Variants in AGAP1 observed in about 807,000 individuals in gnomAD.
AGAP1 encodes arf-GAP with GTPase, ANK repeat and PH domain-containing protein 1.
A neutral mutation model predicts 105.3 loss-of-function variants in AGAP1; 29 were observed. The observed-to-expected ratio is 0.28, with a 90% CI of 0.21 to 0.38. The LOEUF is 0.38. Ranked by LOEUF, AGAP1 falls within the 10% of genes least tolerant of loss-of-function variation. AGAP1 has a pLI of 1.00. For missense variants in AGAP1, 998 were observed against 1,165.1 expected, an observed-to-expected ratio of 0.86 and a Z score of 2.09; for synonymous variants, 509 against 485.9, an observed-to-expected ratio of 1.05 and a Z score of -0.63.
intron 11 of AGAP1, among the ~76,000 whole-genome samples, chr2:235,923,356 A>G (rs920423833): frequency 1.3e-5 from 2 of 152,108 alleles, no homozygotes; most frequent in African/African-American, 2.4e-5. Context: ...AGCCATTCCA[A>G]TGACATTTTC....
rs1485821645 is a variant in AGAP1 at position 236,076,070 on chromosome 2, T to C, written c.2114+26789T>C. On this transcript the variant is annotated intron_variant, in intron 16 of 17. Coordinates refer to ENST00000304032, the MANE Select transcript of AGAP1 (RefSeq NM_001037131.3). This position sits in a 1 kb window ranked among gnomAD's most constrained non-coding sequence, Gnocchi z 4.4. ...CCAAGGCCCAAGACCCGTGCTGTCA[T>C]AACAGTCCTCCTTCAGAGACACCCC... is the stretch of plus-strand genomic sequence containing the variant. Among the ~76,000 whole-genome samples the C allele has an allele frequency of 6.6e-6, 1 of 152,198 alleles. No individual in the cohort carries two copies. Among genetic ancestry groups the C allele is most frequent in the Non-Finnish European group, 1.5e-5 (1 of 68,042 alleles).
rs1407058855 is a variant in AGAP1, at chr2:235,964,014, T to A, written c.1484-4448T>A. Among the ~76,000 whole-genome samples, 1 of 152,210 alleles carries A rather than the reference T, an allele frequency of 6.6e-6. No individual in the cohort carries two copies. Among genetic ancestry groups the A allele is most frequent in the East Asian group, 1.9e-4 (1 of 5,186 alleles). ...TAATGCACCTACTGTAGGCTCAGCA[T>A]TGCACAAGTCACCACAGGGGAGGCG... On this transcript the variant is annotated intron_variant, in intron 12 of 17. Coordinates refer to ENST00000304032, the MANE Select transcript of AGAP1 (RefSeq NM_001037131.3). The surrounding 1 kb of genome is among the most constrained non-coding windows in gnomAD (Gnocchi z 4.6).
At chr2:235,506,600 T>C (rs1165111925) in intron 1 of AGAP1, among the ~76,000 whole-genome samples, 2 of 152,188 alleles carry the variant, frequency 1.3e-5, no homozygotes, top group African/African-American at 4.8e-5. Flanking sequence ...GAATTTTACA[T>C]AGAAACTTGA....
intron 16 of AGAP1, among the ~76,000 whole-genome samples, chr2:236,070,065 G>C (rs2058457592): frequency 6.6e-6 from 1 of 152,276 alleles, no homozygotes; most frequent in Admixed American, 6.5e-5. Flanking sequence ...CCTGGCATCT[G>C]CTGGCTGTGG....
chr2:235,785,359 A>G (rs1956558835), intron 6 of AGAP1, among the ~76,000 whole-genome samples: 1 of 152,232 alleles, frequency 6.6e-6, no homozygotes, highest in South Asian at 2.1e-4. Flanking sequence ...TAAGTTGTTA[A>G]GCCTATATTA....
rs533110494 is a variant in AGAP1, at chr2:235,982,727, A to T, written c.1645+14104A>T. On this transcript the variant is annotated intron_variant, in intron 13 of 17. Coordinates refer to ENST00000304032, the MANE Select transcript of AGAP1 (RefSeq NM_001037131.3). The surrounding 1 kb of genome is among the most constrained non-coding windows in gnomAD (Gnocchi z 4.9). ...TGGCTGCCATTCTTTCCAGACTTCC[A>T]CCATTGTGCCCTGAGTGGTTCCAGA... Among the ~76,000 whole-genome samples, 1 of 152,318 alleles carries T rather than the reference A, an allele frequency of 6.6e-6. No individual in the cohort carries two copies. The highest frequency in any genetic ancestry group is 1.5e-5 in the Non-Finnish European group (1 of 68,030).
chr2:235,954,473 C>G (rs1393667776), intron 12 of AGAP1, among the ~76,000 whole-genome samples: 1 of 151,010 alleles, frequency 6.6e-6, no homozygotes, highest in African/African-American at 2.4e-5. Context: ...AACATCCTCT[C>G]TCATCGTTCT....
chr2:236,071,060 T>C (rs1464342873), intron 16 of AGAP1, among the ~76,000 whole-genome samples: 1 of 152,212 alleles, frequency 6.6e-6, no homozygotes, highest in Non-Finnish European at 1.5e-5. Context: ...GAGATCATGT[T>C]TCTGAGACCG....
rs1949669529 is a variant in AGAP1 at position 235,690,131 on chromosome 2, C to T, written c.164-19048C>T. Among the ~76,000 whole-genome samples, 1 of 152,004 alleles carries T rather than the reference C, an allele frequency of 6.6e-6. No individual in the cohort carries two copies. Among genetic ancestry groups the T allele is most frequent in the South Asian group, 2.1e-4 (1 of 4,828 alleles). On this transcript the variant is annotated intron_variant, in intron 1 of 17. Coordinates refer to ENST00000304032, the MANE Select transcript of AGAP1 (RefSeq NM_001037131.3). This position sits in a 1 kb window ranked among gnomAD's most constrained non-coding sequence, Gnocchi z 4.1. ...CCCCAGGTGCTGAGTCCCCAGGTTC[C>T]CCTCTCCCCCTACCTGAGGTACTGA...
rs1559537861 is a variant in AGAP1, at chr2:235,830,257, T to G, written c.1050+22926T>G. ...GGCCAGGCTACAGTCACCGTTTGAG[T>G]GCCCGTGGAGGATTGGTTTACTTAG... On this transcript the variant is annotated intron_variant, in intron 9 of 17. Coordinates refer to ENST00000304032, the MANE Select transcript of AGAP1 (RefSeq NM_001037131.3). The surrounding 1 kb of genome is among the most constrained non-coding windows in gnomAD (Gnocchi z 5.5). 2.0e-5 allele frequency among the ~76,000 whole-genome samples: 3 copies of G among 152,144 alleles called. No homozygotes were observed. Among genetic ancestry groups the G allele is most frequent in the Admixed American group, 1.3e-4 (2 of 15,278 alleles).
At chr2:235,656,452 C>CCTG (rs768604183) in intron 1 of AGAP1, among the ~76,000 whole-genome samples, 5 of 152,070 alleles carry the variant, frequency 3.3e-5, no homozygotes, top group Non-Finnish European at 7.4e-5. Context: ...TTTTCGATTA[C>CCTG]CTGCTCCACC....
At chr2:235,537,195 T>G (rs1943267310) in intron 1 of AGAP1, among the ~76,000 whole-genome samples, 1 of 152,026 alleles carries the variant, frequency 6.6e-6, no homozygotes, top group South Asian at 2.1e-4. Flanking sequence ...CTAGCAAAGG[T>G]GGCAAGGAAA....
Position 235,588,478 on chromosome 2 carries a change from C to T in AGAP1, c.163+93629C>T, listed in dbSNP as rs546595224. Among the ~76,000 whole-genome samples the T allele has an allele frequency of 1.1e-4, 17 of 152,112 alleles. No individual in the cohort carries two copies. The South Asian group carries it at 2.1e-3, about 19-fold the overall frequency. On this transcript the variant is annotated intron_variant, in intron 1 of 17. Coordinates refer to ENST00000304032, the MANE Select transcript of AGAP1 (RefSeq NM_001037131.3). ...AAGACCCCTTAGAACCCAGGACTCCCGGTGGCTGCTACACCCTGGTCATAT... is the reference window on the plus strand; with the variant it reads ...AAGACCCCTTAGAACCCAGGACTCCTGGTGGCTGCTACACCCTGGTCATAT...
Position 235,551,044 on chromosome 2 carries a change from G to A in AGAP1, c.163+56195G>A, listed in dbSNP as rs1260085582. ...CCACCTCGGCCTCTGAAAGTGCTGG[G>A]ATTACAGGCGTGAGCCACCGCGCTC... On this transcript the variant is annotated intron_variant, in intron 1 of 17. Coordinates refer to ENST00000304032, the MANE Select transcript of AGAP1 (RefSeq NM_001037131.3). The surrounding 1 kb of genome is among the most constrained non-coding windows in gnomAD (Gnocchi z 4.8). Among the ~76,000 whole-genome samples, 1 of 152,202 alleles carries A rather than the reference G, an allele frequency of 6.6e-6. No homozygotes were observed. Among genetic ancestry groups the A allele is most frequent in the Non-Finnish European group, 1.5e-5 (1 of 68,044 alleles).
At position 236,027,781 on chromosome 2, in the gene AGAP1, C is replaced by A. The variant is rs2057102127; in HGVS notation, c.1646-8780C>A. 6.6e-6 allele frequency among the ~76,000 whole-genome samples: 1 copy of A among 152,116 alleles called. No individual in the cohort carries two copies. Among genetic ancestry groups the A allele is most frequent in the South Asian group, 2.1e-4 (1 of 4,812 alleles). On this transcript the variant is annotated intron_variant, in intron 13 of 17. Transcript: ENST00000304032. This position sits in a 1 kb window ranked among gnomAD's most constrained non-coding sequence, Gnocchi z 4.4. ...CAAAGAGCTGTTCATCGGCGTCTCA[C>A]TACATGGTGAACTGCTACTCACAGG...
chr2:235,972,650 C>T (rs1265751721), intron 13 of AGAP1, among the ~76,000 whole-genome samples: 2 of 152,188 alleles, frequency 1.3e-5, no homozygotes, highest in South Asian at 2.1e-4. Flanking sequence ...CCAGTGGCCC[C>T]TCCTTGGCCA....
chr2:235,802,112 G>C (rs1197949906), intron 8 of AGAP1, among the ~76,000 whole-genome samples: 2 of 152,088 alleles, frequency 1.3e-5, no homozygotes, highest in Non-Finnish European at 2.9e-5. Context: ...CACAGCCCTG[G>C]TTTTGCTCAG....
In AGAP1 at chr2:235,732,118, C is replaced by T. The variant is rs765457581; in HGVS notation, c.311-8845C>T. Among the ~76,000 whole-genome samples, 4 of 152,178 alleles carry T rather than the reference C, an allele frequency of 2.6e-5. No homozygotes were observed. The highest frequency in any genetic ancestry group is 4.4e-5 in the Non-Finnish European group (3 of 68,032). On this transcript the variant is annotated intron_variant, in intron 3 of 17. Coordinates refer to ENST00000304032, the MANE Select transcript of AGAP1 (RefSeq NM_001037131.3). The surrounding 1 kb of genome is among the most constrained non-coding windows in gnomAD (Gnocchi z 4.8). ...TTTTGATCTGCGGATTCAGATCTTT[C>T]TGCGTCTCAGGAACATTCCTTTGTC...
At chr2:235,917,575 C>G (rs1251911903) in intron 11 of AGAP1, among the ~76,000 whole-genome samples, 1 of 151,922 alleles carries the variant, frequency 6.6e-6, no homozygotes, top group Non-Finnish European at 1.5e-5. Flanking sequence ...TGACAGGGAC[C>G]GGGGTAATAA....
Sources: allele counts gnomAD v4.1 joint callset (sites outside exome capture counted in the v4.1 genomes callset), GRCh38; gene constraint gnomAD v4.1.1; non-coding constraint Gnocchi (gnomAD v3.1); transcripts MANE v1.5; gene names NCBI Gene and HGNC (gene_info 2026-07-23, HGNC 2026-07-21).